Variants in HNF1B observed in about 807,000 individuals in gnomAD.
The protein encoded by HNF1B is HNF1 homeobox B, also known as hepatocyte nuclear factor 1-beta.
Under a neutral mutation model 61.7 loss-of-function variants are expected in HNF1B, and 8 were observed. That is an observed-to-expected ratio of 0.13 (90% CI 0.08 to 0.23). The LOEUF is 0.23. HNF1B is among the 10% of genes least tolerant of loss of function. The pLI is 1.00. For missense variants in HNF1B, 562 were observed against 714.5 expected, an observed-to-expected ratio of 0.79 and a Z score of 2.43; for synonymous variants, 314 against 287.7, an observed-to-expected ratio of 1.09 and a Z score of -0.93.
At position 37,686,837 on chromosome 17, in the gene HNF1B, G is replaced by C. The variant is rs1474661719; in HGVS notation, c.*535C>G. ...ATTATATACAGGGCAGAGGGGAGAG[G>C]ACACAGAGGGGAAATTGCACTTAAT... On this transcript the variant is annotated 3_prime_UTR_variant, in exon 9 of 9. Transcript: ENST00000617811. 1 of 268,724 alleles carries C rather than the reference G, an allele frequency of 3.7e-6. No homozygotes were observed. Among genetic ancestry groups the C allele is most frequent in the East Asian group, 9.0e-5 (1 of 11,116 alleles). 16.6% of individuals were successfully genotyped at this position (268,724 alleles called of 1,614,324 possible).
rs1263893732 is a variant in HNF1B at position 37,744,782 on chromosome 17, G to A, written c.103C>T (p.Pro35Ser). Residue 35 changes from proline to serine, a missense_variant, in exon 1 of 9, where the codon CCA becomes TCA. Pro to Ser is a moderately conservative substitution (Grantham distance 74, BLOSUM62 -1). Around this residue, in one of 6 missense-constraint regions of HNF1B, gnomAD observed 148 missense variants for 147.3 expected, o/e 1.00. Transcript: ENST00000617811. ...AGCTTCACCCCGAAGTTCGGGGATG[G>A]CAGCAACTCCTCCAAGGCCTGAACC... Reference protein sequence around the residue: ...VLVQALEELLPSPNFGVKLET... With the variant: ...VLVQALEELLSSPNFGVKLET... 1 of 1,613,596 alleles carries A rather than the reference G, an allele frequency of 6.2e-7. No individual in the cohort carries two copies. Among genetic ancestry groups the A allele is most frequent in the Non-Finnish European group, 8.5e-7 (1 of 1,180,030 alleles).
chr17:37,690,615 A>C (rs2032167499), intron 8 of HNF1B, among the ~76,000 whole-genome samples: 3 of 152,094 alleles, frequency 2.0e-5, no homozygotes, highest in Admixed American at 2.0e-4. Flanking sequence ...CCCCTAGTAG[A>C]ACTTATTGAG....
At chr17:37,702,143 T>C (rs1276708988) in intron 6 of HNF1B, among the ~76,000 whole-genome samples, 1 of 152,102 alleles carries the variant, frequency 6.6e-6, no homozygotes, top group African/African-American at 2.4e-5. Flanking sequence ...TGTTCTTGCT[T>C]TCTGGGAAGT....
chr17:37,724,238 A>C (rs908658860), intron 4 of HNF1B, among the ~76,000 whole-genome samples: 1 of 151,846 alleles, frequency 6.6e-6, no homozygotes, highest in Non-Finnish European at 1.5e-5. Flanking sequence ...AACACCCCCC[A>C]CCCCAGGGAA....
chr17:37,687,651 T>C (rs2032024986), intron 8 of HNF1B, among the ~76,000 whole-genome samples: 1 of 152,210 alleles, frequency 6.6e-6, no homozygotes, highest in African/African-American at 2.4e-5. Context: ...TAGTCTTAAC[T>C]TGCTGACCTG....
At chr17:37,724,934 GTGTATA>G (rs1469561111) in intron 4 of HNF1B, among the ~76,000 whole-genome samples, 22 of 69,578 alleles carry the variant, frequency 3.2e-4, no homozygotes, top group East Asian at 1.5e-3. Flanking sequence ...GTGTGTGTGT[GTGTATA>G]TATATATAAT....
At chr17:37,718,773 G>A (rs549260404) in intron 4 of HNF1B, among the ~76,000 whole-genome samples, 1 of 152,364 alleles carries the variant, frequency 6.6e-6, no homozygotes, top group South Asian at 2.1e-4. Flanking sequence ...TCTTGGCAGA[G>A]TCATGCTAAG....
intron 4 of HNF1B, among the ~76,000 whole-genome samples, chr17:37,728,037 TTGGAG>T (rs920484623): frequency 1.1e-4 from 16 of 152,060 alleles, no homozygotes; most frequent in Admixed American, 3.3e-4. Flanking sequence ...GTTGCTCAGG[TTGGAG>T]TGGAGTGGAG....
intron 4 of HNF1B, among the ~76,000 whole-genome samples, chr17:37,720,434 A>G (rs528502135): frequency 1.4e-4 from 22 of 152,196 alleles, no homozygotes; most frequent in Admixed American, 3.3e-4. Flanking sequence ...TGAACTGTAT[A>G]CTTAAGCAGT....
intron 8 of HNF1B, among the ~76,000 whole-genome samples, chr17:37,691,446 C>T (rs2032200605): frequency 6.6e-6 from 1 of 152,150 alleles, no homozygotes; most frequent in South Asian, 2.1e-4. Flanking sequence ...TATGTAAGAG[C>T]ACTTCTTTCA....
chr17:37,697,858 TGCCC>T, intron 8 of HNF1B, among the ~76,000 whole-genome samples: 1 of 152,284 alleles, frequency 6.6e-6, no homozygotes, highest in South Asian at 2.1e-4. Context: ...TGTGTTTCAG[TGCCC>T]AAGACACCAG....
In HNF1B at chr17:37,733,870, GCAGACAGACAGA is replaced by G. The variant is rs3216929; in HGVS notation, c.545-61_545-50del. The G allele has an allele frequency of 3.2e-6, 5 of 1,538,714 alleles. No individual in the cohort carries two copies. The highest frequency in any genetic ancestry group is 4.5e-6 in the Non-Finnish European group (5 of 1,117,122). On this transcript the variant is annotated intron_variant, in intron 2 of 8. Coordinates refer to ENST00000617811, the MANE Select transcript of HNF1B (RefSeq NM_000458.4). ...TGATAGGGTCTGTAGCCTTCACTCA[GCAGACAGACAGA>G]CAGACAGACAGACAACGGACGAAGA...
At chr17:37,743,669 G>A (rs752462681) in intron 1 of HNF1B, among the ~76,000 whole-genome samples, 30 of 152,344 alleles carry the variant, frequency 2.0e-4, no homozygotes, top group Non-Finnish European at 2.5e-4. Flanking sequence ...CGGCTCCTTA[G>A]ATAATTAGTA....
chr17:37,698,947 T>C (rs1205904454), intron 8 of HNF1B, 129 bp downstream of exon 8: 5 of 792,108 alleles, frequency 6.3e-6, no homozygotes, highest in South Asian at 1.4e-5. Context: ...GGATTCCCTT[T>C]GCAAACAACA....
chr17:37,724,922 G>GCA (rs2033444556), intron 4 of HNF1B, among the ~76,000 whole-genome samples: 3 of 130,082 alleles, frequency 2.3e-5, no homozygotes, highest in African/African-American at 1.1e-4. Flanking sequence ...GTGTGTGTGT[G>GCA]TGTGTGTGTG....
rs778126582 is a variant in HNF1B, at chr17:37,733,839, T to C, written c.545-18A>G. On this transcript the variant is annotated intron_variant, in intron 2 of 8. Transcript: ENST00000617811. ...GTTGAATTCTGAAAAGAGAAAGGAG[T>C]AGATTTGATAGGGTCTGTAGCCTTC... is the stretch of plus-strand genomic sequence containing the variant. The C allele has an allele frequency of 6.2e-7, 1 of 1,612,776 alleles. No homozygotes were observed. The highest frequency in any genetic ancestry group is 8.5e-7 in the Non-Finnish European group (1 of 1,179,778).
At chr17:37,721,262 T>C (rs1176897057) in intron 4 of HNF1B, among the ~76,000 whole-genome samples, 1 of 152,090 alleles carries the variant, frequency 6.6e-6, no homozygotes, top group Non-Finnish European at 1.5e-5. Flanking sequence ...GCTCTAATGA[T>C]CCCTAATAAA....
chr17:37,723,307 A>T (rs2033385154), intron 4 of HNF1B, among the ~76,000 whole-genome samples: 2 of 152,048 alleles, frequency 1.3e-5, no homozygotes, highest in Non-Finnish European at 2.9e-5. Context: ...AGATCGCGCC[A>T]CTGCACTCCA....
At chr17:37,725,250 A>G (rs1204840846) in intron 4 of HNF1B, among the ~76,000 whole-genome samples, 3 of 152,166 alleles carry the variant, frequency 2.0e-5, no homozygotes, top group African/African-American at 7.2e-5. Context: ...GGAGGCGGCA[A>G]GGAGTCCTTG....
Sources: gnomAD v4.1 joint callset for allele counts (sites outside exome capture counted in the v4.1 genomes callset) on GRCh38, gnomAD v4.1.1 for gene constraint, gnomAD v4.1.1 regional missense constraint, MANE v1.5 for transcripts, NCBI Gene and HGNC (gene_info 2026-07-23, HGNC 2026-07-21) for gene names.